ZNF487: variants seen among roughly 807,000 people sequenced by gnomAD.
The protein encoded by ZNF487 is KRAB domain only 1.
In ZNF487, 4 loss-of-function variants were observed where a neutral mutation model predicts 3.0. The ratio of observed to expected loss-of-function variants is 1.35; its 90% CI spans 0.66 to 3.08. ZNF487 has a LOEUF of 3.08. ZNF487 is among the 30% of genes most tolerant of loss of function. ZNF487 has a pLI of 0.01. For synonymous variants in ZNF487, 55 were observed against 34.6 expected (o/e 1.59, Z -2.06); for missense variants, 146 against 98.7 (o/e 1.48, Z -2.03).
At chr10:43,445,818 A>G (rs1039760532) in intron 1 of ZNF487, among the ~76,000 whole-genome samples, 1 of 152,054 alleles carries the variant, frequency 6.6e-6, no homozygotes, top group Non-Finnish European at 1.5e-5. Context: ...TAGGCAGAGG[A>G]CCCTGCGGCC....
upstream of ZNF487, chr10:43,437,040 G>T: frequency 2.9e-6 from 1 of 339,304 alleles, no homozygotes; most frequent in South Asian, 2.1e-5. Flanking sequence ...AAGGCTTCCG[G>T]AAGCGCAGGG....
chr10:43,489,150 A>T, the ZNF487 span, among the ~76,000 whole-genome samples: 1 of 151,782 alleles, frequency 6.6e-6, no homozygotes, highest in African/African-American at 2.4e-5. Flanking sequence ...GAGATACTAC[A>T]TCAACATATT....
At chr10:43,455,280 G>A (rs111369791) in intron 1 of ZNF487, among the ~76,000 whole-genome samples, 1 of 152,088 alleles carries the variant, frequency 6.6e-6, no homozygotes, top group Non-Finnish European at 1.5e-5. Context: ...CAAAGTGCTG[G>A]GTTTACAGGC....
At chr10:43,438,188 T>C (rs192765191) in intron 1 of ZNF487, among the ~76,000 whole-genome samples, 3 of 151,670 alleles carry the variant, frequency 2.0e-5, no homozygotes, top group Non-Finnish European at 4.4e-5. Flanking sequence ...TTAGGTTCCA[T>C]ATATATATAT....
At chr10:43,504,351 T>C in the ZNF487 span, among the ~76,000 whole-genome samples, 25 of 135,854 alleles carry the variant, frequency 1.8e-4, no homozygotes, top group Non-Finnish European at 1.5e-5. Context: ...TGGAGTGCAA[T>C]GACGCGATCT....
chr10:43,468,679 CAAA>C (rs71016773), intron 1 of ZNF487, among the ~76,000 whole-genome samples: 6 of 36,046 alleles, frequency 1.7e-4, no homozygotes, highest in South Asian at 1.2e-3. Flanking sequence ...AACTCTGTCT[CAAA>C]AAAAAAAAAA....
chr10:43,446,290 G>A (rs1839796720), intron 1 of ZNF487, among the ~76,000 whole-genome samples: 1 of 151,350 alleles, frequency 6.6e-6, no homozygotes, highest in Non-Finnish European at 1.5e-5. Flanking sequence ...AGACGGGGTG[G>A]CTGCTGGGCG....
At chr10:43,456,180 A>C (rs1180788727) in intron 1 of ZNF487, among the ~76,000 whole-genome samples, 2 of 152,190 alleles carry the variant, frequency 1.3e-5, no homozygotes, top group Non-Finnish European at 2.9e-5. Flanking sequence ...CCAACCCGAG[A>C]TTCTGGGGCA....
At chr10:43,436,869 C>T (rs1175242834), upstream of ZNF487, 1 of 468,696 alleles carries the variant, frequency 2.1e-6, no homozygotes, top group East Asian at 7.0e-5. Flanking sequence ...CGCCCAGCCG[C>T]GGTCCCAGCG....
intron 1 of ZNF487, among the ~76,000 whole-genome samples, chr10:43,443,252 C>A (rs924124271): frequency 1.3e-5 from 2 of 150,522 alleles, no homozygotes; most frequent in African/African-American, 4.9e-5. Context: ...TTAGGAGAGA[C>A]GAGGTTTCAC....
At position 43,477,394 on chromosome 10, in the gene ZNF487, C is replaced by T. The variant is rs972680536; in HGVS notation, c.130+1192C>T. ...ATTTTTAGTAGAGATGGGGTTTTGCCATGTTGGCCAAGCTGGTCTCAAACT... is the reference window on the plus strand; with the variant it reads ...ATTTTTAGTAGAGATGGGGTTTTGCTATGTTGGCCAAGCTGGTCTCAAACT... On this transcript the variant is annotated intron_variant, in intron 3 of 3. Coordinates refer to ENST00000437590, the MANE Select transcript of ZNF487 (RefSeq NM_001355444.3). 6.6e-5 allele frequency among the ~76,000 whole-genome samples: 10 copies of T among 151,910 alleles called. No individual in the cohort carries two copies. The East Asian group carries it at 1.8e-3, about 27-fold the overall frequency.
the ZNF487 span, among the ~76,000 whole-genome samples, chr10:43,515,924 C>A: frequency 6.6e-6 from 1 of 152,082 alleles, no homozygotes; most frequent in African/African-American, 2.4e-5. Context: ...ACAGGGCGCA[C>A]CACCACACCC....
intron 1 of ZNF487, among the ~76,000 whole-genome samples, chr10:43,454,969 G>C (rs1298033802): frequency 6.8e-6 from 1 of 147,638 alleles, no homozygotes; most frequent in East Asian, 2.0e-4. Flanking sequence ...TCCTTTAAGG[G>C]ATACGAGGCT....
At chr10:43,500,122 G>C in the ZNF487 span, among the ~76,000 whole-genome samples, 7 of 152,096 alleles carry the variant, frequency 4.6e-5, no homozygotes, top group African/African-American at 1.7e-4. Flanking sequence ...TGATCCGCCT[G>C]CCTCGGCCTC....
the ZNF487 span, among the ~76,000 whole-genome samples, chr10:43,498,937 G>C: frequency 7.2e-6 from 1 of 139,316 alleles, no homozygotes; most frequent in Non-Finnish European, 1.5e-5. Context: ...GCGAGACTCC[G>C]TCTCAAAAAA....
At chr10:43,465,123 C>T (rs536828652) in intron 1 of ZNF487, among the ~76,000 whole-genome samples, 97 of 113,498 alleles carry the variant, frequency 8.5e-4, no homozygotes, top group Non-Finnish European at 1.4e-3. Context: ...CCGGATGGGG[C>T]GGCTGGCCGG....
intron 1 of ZNF487, among the ~76,000 whole-genome samples, chr10:43,440,637 A>G (rs1839564614): frequency 6.6e-6 from 1 of 151,642 alleles, no homozygotes; most frequent in Non-Finnish European, 1.5e-5. Flanking sequence ...CAGCCTGGGC[A>G]ACAGAGTGAG....
At chr10:43,459,235 T>G (rs1840331417) in intron 1 of ZNF487, among the ~76,000 whole-genome samples, 1 of 152,122 alleles carries the variant, frequency 6.6e-6, no homozygotes. Flanking sequence ...CTTTCTTTCT[T>G]TCTTTCTTTT....
At chr10:43,518,437 G>A in the ZNF487 span, among the ~76,000 whole-genome samples, 1 of 152,084 alleles carries the variant, frequency 6.6e-6, no homozygotes, top group Non-Finnish European at 1.5e-5. Context: ...TGCCACACAG[G>A]TTCCCAGACT....
Sources: allele counts gnomAD v4.1 joint callset (sites outside exome capture counted in the v4.1 genomes callset), GRCh38; gene constraint gnomAD v4.1.1; transcripts MANE v1.5; gene names NCBI Gene and HGNC (gene_info 2026-07-23, HGNC 2026-07-21).